UBE2Z: variants seen among roughly 807,000 people sequenced by gnomAD.
The protein encoded by UBE2Z is ubiquitin-conjugating enzyme E2 Z.
UBE2Z carries 10 observed loss-of-function variants against 32.6 expected under a neutral mutation model. The observed-to-expected ratio is 0.31, with a 90% CI of 0.19 to 0.52. The LOEUF is 0.52. Among genes scored for constraint, UBE2Z ranks in the 20% least tolerant of loss-of-function variants. The pLI is 0.97. For synonymous variants in UBE2Z, 183 were observed against 190.8 expected, an observed-to-expected ratio of 0.96 and a Z score of 0.34; for missense variants, 343 against 480.9, an observed-to-expected ratio of 0.71 and a Z score of 2.68.
chr17:48,910,646 T>G, intron 1 of UBE2Z, 162 bp from the exon 2 acceptor site: 1 of 594,540 alleles, frequency 1.7e-6, no homozygotes, highest in Non-Finnish European at 3.1e-6. Context: ...AGTACTCAGC[T>G]GAGATTTCTC....
At chr17:48,926,852 G>A in intron 6 of UBE2Z, 112 bp from the exon 7 acceptor site, 2 of 1,232,914 alleles carry the variant, frequency 1.6e-6, no homozygotes, top group Non-Finnish European at 2.2e-6. Context: ...AGGCCTTCCT[G>A]CTCCCATGGC....
At chr17:48,912,779 AG>A in intron 2 of UBE2Z, 54 bp from the exon 3 acceptor site, 1 of 1,597,734 alleles carries the variant, frequency 6.3e-7, no homozygotes, top group Non-Finnish European at 8.6e-7. Flanking sequence ...GGTAGCCAGG[AG>A]GGCTTGGGGT....
chr17:48,912,700 G>T (rs768222094), intron 2 of UBE2Z, 134 bp from the exon 3 acceptor site: 7 of 886,534 alleles, frequency 7.9e-6, no homozygotes, highest in Non-Finnish European at 1.2e-5. Flanking sequence ...TGTTCCTTCT[G>T]CATGGTGAGG....
At chr17:48,909,028 T>G in intron 1 of UBE2Z, 2 of 128,530 alleles carry the variant, frequency 1.6e-5, no homozygotes, top group Non-Finnish European at 2.7e-5. Context: ...AACCCCCGCC[T>G]CGTGTGCCCA....
At chr17:48,919,561 C>T (rs566359770) in intron 4 of UBE2Z, among the ~76,000 whole-genome samples, 6 of 152,334 alleles carry the variant, frequency 3.9e-5, no homozygotes, top group South Asian at 2.1e-4. Flanking sequence ...ACTGAAGCCT[C>T]GAACTCCTGG....
At chr17:48,924,845 C>CAA (rs5820735) in intron 6 of UBE2Z, among the ~76,000 whole-genome samples, 35,257 of 85,426 alleles carry the variant, frequency 0.41, 8,769 homozygotes, top group East Asian at 0.68. Flanking sequence ...GATTCTGTCT[C>CAA]AAAAAAAAAA....
chr17:48,917,987 A>C (rs2040732406), intron 4 of UBE2Z, among the ~76,000 whole-genome samples: 1 of 152,128 alleles, frequency 6.6e-6, no homozygotes, highest in African/African-American at 2.4e-5. Flanking sequence ...CCCAGGCTGG[A>C]GTGTAATGGC....
At chr17:48,925,459 T>C (rs542634475) in intron 6 of UBE2Z, among the ~76,000 whole-genome samples, 1 of 152,300 alleles carries the variant, frequency 6.6e-6, no homozygotes, top group South Asian at 2.1e-4. Context: ...TTCCCTTCCT[T>C]CTTTCAAGGA....
intron 6 of UBE2Z, among the ~76,000 whole-genome samples, chr17:48,925,035 T>C (rs890670016): frequency 1.3e-5 from 2 of 151,218 alleles, no homozygotes; most frequent in Non-Finnish European, 3.0e-5. Context: ...GTGATCCCAG[T>C]ACTTTGGTAG....
At chr17:48,921,953 A>C (rs2040762073) in intron 5 of UBE2Z, among the ~76,000 whole-genome samples, 1 of 151,904 alleles carries the variant, frequency 6.6e-6, no homozygotes, top group Non-Finnish European at 1.5e-5. Flanking sequence ...GCTTGAGCCT[A>C]AGAGGTTGAG....
At chr17:48,910,670 G>A in intron 1 of UBE2Z, 138 bp from the exon 2 acceptor site, 1 of 720,066 alleles carries the variant, frequency 1.4e-6, no homozygotes, top group Non-Finnish European at 2.5e-6. Context: ...CAACAAGACA[G>A]TACAAACACT....
intron 6 of UBE2Z, among the ~76,000 whole-genome samples, chr17:48,924,224 C>G (rs189837441): frequency 6.6e-6 from 1 of 152,336 alleles, no homozygotes; most frequent in African/African-American, 2.4e-5. Flanking sequence ...CTCCCTTAGC[C>G]TCCAAACTGG....
chr17:48,916,889 A>C (rs1384725771), intron 4 of UBE2Z, among the ~76,000 whole-genome samples: 2 of 151,946 alleles, frequency 1.3e-5, no homozygotes, highest in African/African-American at 4.8e-5. Flanking sequence ...GTCTCTACTA[A>C]AAATAAAAGA....
intron 2 of UBE2Z, chr17:48,911,535 C>T (rs1273500627): frequency 1.3e-5 from 2 of 152,278 alleles, no homozygotes; most frequent in Admixed American, 6.5e-5. Context: ...AGAAAGAAAT[C>T]ATATTTCCTA....
Position 48,921,173 on chromosome 17 carries a change from G to C in UBE2Z, c.704G>C (p.Gly235Ala). ...GTTACATTATAGGAGAGACATCCAG[G>C]AGACAGCAAAAACTATAATGAATGT... Reference protein sequence around the residue: ...EPGFEQERHPGDSKNYNECIR... With the variant: ...EPGFEQERHPADSKNYNECIR... Residue 235 changes from glycine (G) to alanine (A), a missense_variant, in exon 5 of 7, where the codon GGA becomes GCA. By Grantham distance (60) the Gly-to-Ala change is moderately conservative (BLOSUM62 0). Transcript: ENST00000360943. 6.2e-7 allele frequency: 1 copy of C among 1,611,024 alleles called. No individual in the cohort carries two copies. Among genetic ancestry groups the C allele is most frequent in the Non-Finnish European group, 8.5e-7 (1 of 1,178,576 alleles).
At chr17:48,926,592 C>A (rs1355090573) in intron 6 of UBE2Z, among the ~76,000 whole-genome samples, 1 of 151,918 alleles carries the variant, frequency 6.6e-6, no homozygotes, top group Admixed American at 6.6e-5. Flanking sequence ...AGTGATTCTC[C>A]TGCCTCAGCC....
intron 4 of UBE2Z, 121 bp downstream of exon 4, chr17:48,916,308 T>C: frequency 1.9e-6 from 1 of 513,106 alleles, no homozygotes; most frequent in East Asian, 3.8e-5. Flanking sequence ...TAGGCTGTAG[T>C]GCAGTGGTGC....
chr17:48,911,384 C>T (rs1414772760), intron 2 of UBE2Z: 1 of 158,334 alleles, frequency 6.3e-6, no homozygotes, highest in African/African-American at 2.4e-5. Context: ...TCCCTTCCAC[C>T]CCAAAGACTA....
rs1404030369 is a variant in UBE2Z, at chr17:48,926,944, C to G, written c.895-20C>G. ...CACCCAGACTTGAATCTTCCATCCC[C>G]TTGTCTCCTTTCCCCACAGGACCCT... On this transcript the variant is annotated intron_variant, in intron 6 of 6. Coordinates refer to ENST00000360943, the MANE Select transcript of UBE2Z (RefSeq NM_023079.5). 1 of 1,607,182 alleles carries G rather than the reference C, an allele frequency of 6.2e-7. No individual in the cohort carries two copies. Among genetic ancestry groups the G allele is most frequent in the Admixed American group, 1.7e-5 (1 of 59,446 alleles).
Sources: gnomAD v4.1 joint callset for allele counts (sites outside exome capture counted in the v4.1 genomes callset) on GRCh38, gnomAD v4.1.1 for gene constraint, MANE v1.5 for transcripts, NCBI Gene and HGNC (gene_info 2026-07-23, HGNC 2026-07-21) for gene names.